The following SLAIN1 variants were observed in gnomAD, a reference collection of about 807,000 sequenced individuals.
SLAIN1 encodes SLAIN motif-containing protein 1.
In SLAIN1, 17 loss-of-function variants were observed where a neutral mutation model predicts 55.4. The observed-to-expected ratio is 0.31, with a 90% CI of 0.21 to 0.46. SLAIN1 has a LOEUF of 0.46. SLAIN1 is among the 20% of genes least tolerant of loss of function. The pLI is 1.00. For missense variants in SLAIN1, 682 were observed against 785.1 expected, an observed-to-expected ratio of 0.87 and a Z score of 1.57; for synonymous variants, 348 against 337.4, an observed-to-expected ratio of 1.03 and a Z score of -0.35.
chr13:77,742,917 G>A (rs1031962260), intron 2 of SLAIN1: 1 of 646,818 alleles, frequency 1.5e-6, no homozygotes, highest in East Asian at 9.6e-5. Context: ...AAGTTGCTTT[G>A]TCTTTTTTTT....
At chr13:77,757,344 G>T (rs1874675266) in intron 5 of SLAIN1, among the ~76,000 whole-genome samples, 1 of 152,050 alleles carries the variant, frequency 6.6e-6, no homozygotes, top group African/African-American at 2.4e-5. Flanking sequence ...GTGTCACAAA[G>T]CTAAATGGGA....
At chr13:77,699,360 A>G (rs1205405828) in intron 1 of SLAIN1, 1 of 196,582 alleles carries the variant, frequency 5.1e-6, no homozygotes, top group Non-Finnish European at 1.1e-5. Flanking sequence ...GAAACTTTTT[A>G]GCTTGGTTAT....
intron 2 of SLAIN1, among the ~76,000 whole-genome samples, chr13:77,731,995 G>A (rs1440941418): frequency 2.0e-5 from 3 of 151,988 alleles, no homozygotes; most frequent in African/African-American, 4.8e-5. Flanking sequence ...TTTGTGTGCA[G>A]GTATTTTAAT....
chr13:77,748,469 G>A (rs1156390557), intron 4 of SLAIN1, among the ~76,000 whole-genome samples: 2 of 133,974 alleles, frequency 1.5e-5, no homozygotes, highest in Admixed American at 1.7e-4. Context: ...CCAAGCAGAT[G>A]CTAGCTCTGC....
At chr13:77,719,760 T>A (rs534751465) in intron 2 of SLAIN1, 89 bp downstream of exon 2, 9 of 1,460,966 alleles carry the variant, frequency 6.2e-6, no homozygotes, top group Non-Finnish European at 6.6e-6. Context: ...ACATTTCAAT[T>A]GAAAATTCTT....
At chr13:77,708,208 C>A (rs2091109459) in intron 1 of SLAIN1, among the ~76,000 whole-genome samples, 1 of 152,158 alleles carries the variant, frequency 6.6e-6, no homozygotes, top group South Asian at 2.1e-4. Context: ...ATATTTGTAT[C>A]ACATAGGCCC....
At chr13:77,737,254 C>G (rs1226562226) in intron 2 of SLAIN1, among the ~76,000 whole-genome samples, 1 of 151,982 alleles carries the variant, frequency 6.6e-6, no homozygotes, top group Non-Finnish European at 1.5e-5. Flanking sequence ...CTCATTGAAC[C>G]TATTCTCACC....
chr13:77,756,409 GTT>G (rs1021587533), intron 5 of SLAIN1, among the ~76,000 whole-genome samples: 3 of 151,904 alleles, frequency 2.0e-5, no homozygotes, highest in African/African-American at 7.3e-5. Context: ...CTATATAGAG[GTT>G]TTATGTTTCT....
intron 1 of SLAIN1, among the ~76,000 whole-genome samples, chr13:77,711,225 AAGC>A (rs2091146968): frequency 6.6e-6 from 1 of 151,244 alleles, no homozygotes; most frequent in African/African-American, 2.4e-5. Flanking sequence ...AGAAATAACT[AAGC>A]AGAACTGAAG....
chr13:77,760,715 C>A, intron 5 of SLAIN1, 113 bp from the exon 6 acceptor site: 1 of 1,116,980 alleles, frequency 9.0e-7, no homozygotes, highest in Non-Finnish European at 1.3e-6. Context: ...TGTTTTTCTC[C>A]TCCTGTGTAT....
chr13:77,719,987 G>A (rs1372816100), intron 2 of SLAIN1, among the ~76,000 whole-genome samples: 1 of 151,926 alleles, frequency 6.6e-6, no homozygotes, highest in Non-Finnish European at 1.5e-5. Flanking sequence ...GTGCTCTGGG[G>A]TCAGTAACAA....
chr13:77,699,157 G>T (rs2091005718), intron 1 of SLAIN1: 1 of 1,194,736 alleles, frequency 8.4e-7, no homozygotes, highest in Non-Finnish European at 1.2e-6. Flanking sequence ...TTAAAATGGG[G>T]TGACCTCACT....
Position 77,763,239 on chromosome 13 carries a change from T to A in SLAIN1, c.*19T>A. The A allele has an allele frequency of 1.3e-6, 2 of 1,599,840 alleles. No individual in the cohort carries two copies. The highest frequency in any genetic ancestry group is 1.7e-6 in the Non-Finnish European group (2 of 1,167,598). On this transcript the variant is annotated 3_prime_UTR_variant, in exon 7 of 7. Coordinates refer to ENST00000418532, the MANE Select transcript of SLAIN1 (RefSeq NM_001242868.2). ...CTACTAATGCAGTTTTATGTACCCT[T>A]GAAAAATGGGAAAGAAGTAAAAATG...
rs2090988898 is a variant in SLAIN1 at position 77,697,851 on chromosome 13, G to A, written c.-63G>A. ...AGGGAAGGAGCCGTAGCCTCCCCGT[G>A]GCCCGAGGAGCCGGCGCGGCGGCGC... On this transcript the variant is annotated 5_prime_UTR_variant, in exon 1 of 7. Coordinates refer to ENST00000418532, the MANE Select transcript of SLAIN1 (RefSeq NM_001242868.2). 3.2e-6 allele frequency: 4 copies of A among 1,258,052 alleles called. No individual in the cohort carries two copies. Among genetic ancestry groups the A allele is most frequent in the Non-Finnish European group, 4.0e-6 (4 of 1,001,740 alleles). The allele number at this position is 1,258,052 out of a possible 1,614,324, so 77.9% of individuals were successfully genotyped here.
chr13:77,727,437 C>CAA (rs34990709), intron 2 of SLAIN1, among the ~76,000 whole-genome samples: 1,231 of 84,076 alleles, frequency 0.015, 18 homozygotes, highest in African/African-American at 0.04. Context: ...TTAAGTTGGG[C>CAA]AAAAAAAAAA....
chr13:77,739,562 A>G (rs1873307150), intron 2 of SLAIN1, among the ~76,000 whole-genome samples: 1 of 152,096 alleles, frequency 6.6e-6, no homozygotes, highest in Non-Finnish European at 1.5e-5. Flanking sequence ...TATGTGAATT[A>G]AGTAATTGCT....
At chr13:77,732,434 A>C (rs1298533871) in intron 2 of SLAIN1, among the ~76,000 whole-genome samples, 1 of 152,142 alleles carries the variant, frequency 6.6e-6, no homozygotes, top group African/African-American at 2.4e-5. Flanking sequence ...CCTGTAAGTT[A>C]TTCTAGCTGG....
At chr13:77,743,287 C>A in intron 2 of SLAIN1, 1 of 774,348 alleles carries the variant, frequency 1.3e-6, no homozygotes, top group Non-Finnish European at 1.8e-6. Flanking sequence ...GTTTGTGCTG[C>A]ACACTTACTT....
rs1300544794 is a variant in SLAIN1, at chr13:77,746,945, G to T, written c.1258+90G>T. 5.8e-6 allele frequency: 7 copies of T among 1,197,456 alleles called. No individual in the cohort carries two copies. The African/African-American group carries it at 1.1e-4, about 19-fold the overall frequency. The allele number at this position is 1,197,456 out of a possible 1,614,324, so 74.2% of individuals were successfully genotyped here. A position where few individuals can be genotyped will look rare whatever the true frequency, so the allele number is the denominator to read the frequency against. ...TTTTTGTGTTTTTGTTTTTGTTTTT[G>T]AGACAGAATCTGTCTCTGTCTCCTA... is the stretch of plus-strand genomic sequence containing the variant. On this transcript the variant is annotated intron_variant, in intron 4 of 6. Transcript: ENST00000418532.
Sources: allele counts gnomAD v4.1 joint callset (sites outside exome capture counted in the v4.1 genomes callset), GRCh38; gene constraint gnomAD v4.1.1; transcripts MANE v1.5; gene names NCBI Gene and HGNC (gene_info 2026-07-23, HGNC 2026-07-21).